The following TMEM65 variants were observed in gnomAD, a reference collection of about 807,000 sequenced individuals.
The protein encoded by TMEM65 is transmembrane protein 65.
TMEM65 carries 22 observed loss-of-function variants against 25.4 expected under a neutral mutation model. The observed-to-expected ratio is 0.86, with a 90% confidence interval of 0.62 to 1.23. The LOEUF (loss-of-function observed/expected upper bound fraction) is 1.23. TMEM65 is among the 50% of genes most tolerant of loss of function. The pLI is 0.00. For missense variants in TMEM65, 262 were observed against 308.2 expected (o/e 0.85, Z 1.12); for synonymous variants, 132 against 126.2 (o/e 1.05, Z -0.31).
chr8:124,344,665 T>C (rs1814622296), intron 1 of TMEM65, among the ~76,000 whole-genome samples: 1 of 152,226 alleles, frequency 6.6e-6, no homozygotes, highest in Admixed American at 6.5e-5. Flanking sequence ...ATTCTTCTTT[T>C]GGCTCATTTT....
intron 3 of TMEM65, among the ~76,000 whole-genome samples, chr8:124,323,987 A>G (rs1814336706): frequency 6.6e-6 from 1 of 152,104 alleles, no homozygotes; most frequent in Non-Finnish European, 1.5e-5. Flanking sequence ...TATGTATATC[A>G]TCATTCCTCT....
At position 124,312,130 on chromosome 8, in the gene TMEM65, C is replaced by T. The variant is rs370445885; in HGVS notation, c.*1830G>A. ...TTACACTTTACCCCACCCTTCCCCC[C>T]CCAAAAATTTAAGCACTCTAATCCT... On this transcript the variant is annotated 3_prime_UTR_variant, in exon 7 of 7. Coordinates refer to ENST00000297632, the MANE Select transcript of TMEM65 (RefSeq NM_194291.3). The T allele has an allele frequency of 3.3e-5, 5 of 151,980 alleles. No individual in the cohort carries two copies. The highest frequency in any genetic ancestry group is 2.6e-4 in the Admixed American group (4 of 15,228). 9.4% of individuals were successfully genotyped at this position (151,980 alleles called of 1,614,324 possible). A position where few individuals can be genotyped will look rare whatever the true frequency, so the allele number is the denominator to read the frequency against.
At chr8:124,367,915 T>C (rs976071354) in intron 1 of TMEM65, among the ~76,000 whole-genome samples, 2 of 152,252 alleles carry the variant, frequency 1.3e-5, no homozygotes, top group Non-Finnish European at 2.9e-5. Context: ...TTCACCTCAA[T>C]ACATCTTTTA....
At chr8:124,334,269 T>C (rs1398081490) in intron 1 of TMEM65, among the ~76,000 whole-genome samples, 1 of 151,940 alleles carries the variant, frequency 6.6e-6, no homozygotes, top group Non-Finnish European at 1.5e-5. Flanking sequence ...CAGAAGACAA[T>C]ACAGACCAAT....
chr8:124,345,884 C>T (rs1387251062), intron 1 of TMEM65, among the ~76,000 whole-genome samples: 2 of 152,118 alleles, frequency 1.3e-5, no homozygotes, highest in South Asian at 2.1e-4. Flanking sequence ...GCTGGGATTA[C>T]AGGCACATGC....
chr8:124,353,138 A>G (rs1486508561), intron 1 of TMEM65, among the ~76,000 whole-genome samples: 1 of 151,908 alleles, frequency 6.6e-6, no homozygotes, highest in African/African-American at 2.4e-5. Context: ...AAAAAAAACA[A>G]AAAAAAGAAC....
Position 124,323,387 on chromosome 8 carries a change from TA to T in TMEM65, c.418-13del. The T allele has an allele frequency of 2.8e-6, 4 of 1,423,930 alleles. No individual in the cohort carries two copies. The highest frequency in any genetic ancestry group is 2.4e-5 in the East Asian group (1 of 42,084). 88.2% of individuals were successfully genotyped at this position (1,423,930 alleles called of 1,614,324 possible). ...TCAATATGGGTTCCCTGAAATATGA[TA>T]AAAAATTAATCTTAAAAATTAAAGC... On this transcript the variant is annotated splice_polypyrimidine_tract_variant and intron_variant, in intron 3 of 6. Coordinates refer to ENST00000297632, the MANE Select transcript of TMEM65 (RefSeq NM_194291.3).
chr8:124,360,221 G>C (rs1258623839), intron 1 of TMEM65, among the ~76,000 whole-genome samples: 1 of 152,076 alleles, frequency 6.6e-6, no homozygotes. Context: ...ACGAGGTCAG[G>C]AGATCAAGAC....
At position 124,308,747 on chromosome 8, in the gene TMEM65, A is replaced by G. The variant is rs568131421; in HGVS notation, c.*5213T>C. 1 of 152,344 alleles carries G rather than the reference A, an allele frequency of 6.6e-6. No individual in the cohort carries two copies. Among genetic ancestry groups the G allele is most frequent in the South Asian group, 2.1e-4 (1 of 4,818 alleles). 9.4% of individuals were successfully genotyped at this position (152,344 alleles called of 1,614,324 possible). ...ATTTAGAAGCAGTGCCAGAAAACAA[A>G]TCAACATTAGACAATCTGGTAGAAG... On this transcript the variant is annotated 3_prime_UTR_variant, in exon 7 of 7. Coordinates refer to ENST00000297632, the MANE Select transcript of TMEM65 (RefSeq NM_194291.3).
In TMEM65 at chr8:124,371,834, C is replaced by G; in HGVS notation, c.304+20G>C. Reference sequence around the variant, plus strand: ...AGGGCGTCGGGGCCCCCGGGCTCGCCCCCCACCTGCCCCCCTTACCTTGGG... The same window carrying G: ...AGGGCGTCGGGGCCCCCGGGCTCGCGCCCCACCTGCCCCCCTTACCTTGGG... On this transcript the variant is annotated intron_variant, in intron 1 of 6. Transcript: ENST00000297632. 2 of 1,504,350 alleles carry G rather than the reference C, an allele frequency of 1.3e-6. No homozygotes were observed. The highest frequency in any genetic ancestry group is 1.8e-6 in the Non-Finnish European group (2 of 1,132,348). The allele number at this position is 1,504,350 out of a possible 1,614,324, so 93.2% of individuals were successfully genotyped here.
rs903115182 is a variant in TMEM65 at position 124,323,179 on chromosome 8, A to C, written c.472+142T>G. ...AAAGTGCTACATGTACAAAACTAAG[A>C]ATCAGAAGAATAGGATGAAGAAAAT... On this transcript the variant is annotated intron_variant, in intron 4 of 6. Transcript: ENST00000297632. 38 of 514,176 alleles carry C rather than the reference A, an allele frequency of 7.4e-5. No individual in the cohort carries two copies. In the Admixed American group the frequency reaches 1.3e-3, roughly 17 times the overall value. The allele number at this position is 514,176 out of a possible 1,614,324, so 31.9% of individuals were successfully genotyped here. A position where few individuals can be genotyped will look rare whatever the true frequency, so the allele number is the denominator to read the frequency against.
At chr8:124,315,472 C>T (rs942751353) in intron 6 of TMEM65, among the ~76,000 whole-genome samples, 3 of 151,996 alleles carry the variant, frequency 2.0e-5, no homozygotes, top group African/African-American at 7.3e-5. Context: ...CAGGTGCCCA[C>T]CACCACGCCC....
At position 124,314,100 on chromosome 8, in the gene TMEM65, T is replaced by A. The variant is rs940439735; in HGVS notation, c.622-39A>T. 10 of 1,537,140 alleles carry A rather than the reference T, an allele frequency of 6.5e-6. No individual in the cohort carries two copies. In the African/African-American group the frequency reaches 1.1e-4, roughly 17 times the overall value. On this transcript the variant is annotated intron_variant, in intron 6 of 6. Transcript: ENST00000297632. ...AGAGAACATTTTTAAAGTTACTTTA[T>A]CTCTGATAACAAGAAGGCAGAGAAA...
At chr8:124,359,614 C>T (rs192111987) in intron 1 of TMEM65, among the ~76,000 whole-genome samples, 32 of 152,104 alleles carry the variant, frequency 2.1e-4, no homozygotes, top group African/African-American at 6.5e-4. Context: ...TGGTAGTACA[C>T]GCCTGTGATC....
Position 124,313,919 on chromosome 8 carries a change from G to T in TMEM65, c.*41C>A. On this transcript the variant is annotated 3_prime_UTR_variant, in exon 7 of 7. Coordinates refer to ENST00000297632, the MANE Select transcript of TMEM65 (RefSeq NM_194291.3). ...TTGTGACAGCATATTTAATTACTGAGGTACATTAGTTTACATCTTTTTATA... is the reference window on the plus strand; with the variant it reads ...TTGTGACAGCATATTTAATTACTGATGTACATTAGTTTACATCTTTTTATA... 2 of 1,320,424 alleles carry T rather than the reference G, an allele frequency of 1.5e-6. No individual in the cohort carries two copies. Among genetic ancestry groups the T allele is most frequent in the Non-Finnish European group, 1.1e-6 (1 of 922,684 alleles). The allele number at this position is 1,320,424 out of a possible 1,614,324, so 81.8% of individuals were successfully genotyped here. A position where few individuals can be genotyped will look rare whatever the true frequency, so the allele number is the denominator to read the frequency against.
At chr8:124,349,589 C>G (rs1183411775) in intron 1 of TMEM65, among the ~76,000 whole-genome samples, 1 of 152,150 alleles carries the variant, frequency 6.6e-6, no homozygotes, top group Non-Finnish European at 1.5e-5. Flanking sequence ...AGACCTAACA[C>G]AAATACCTAC....
intron 1 of TMEM65, among the ~76,000 whole-genome samples, chr8:124,337,961 C>A (rs908763730): frequency 5.3e-5 from 8 of 151,788 alleles, no homozygotes; most frequent in African/African-American, 9.7e-5. Context: ...AAAATAACAT[C>A]TAAAATACTT....
intron 6 of TMEM65, among the ~76,000 whole-genome samples, chr8:124,319,085 T>C (rs747938331): frequency 1.6e-4 from 25 of 152,166 alleles, no homozygotes; most frequent in Non-Finnish European, 3.4e-4. Context: ...CTCCTGTATC[T>C]CTACTTGGCA....
At chr8:124,370,748 T>C (rs1815001618) in intron 1 of TMEM65, among the ~76,000 whole-genome samples, 1 of 152,224 alleles carries the variant, frequency 6.6e-6, no homozygotes. Context: ...GCACATCAGC[T>C]AAAGATATAC....
Sources: gnomAD v4.1 joint callset for allele counts (sites outside exome capture counted in the v4.1 genomes callset) on GRCh38, gnomAD v4.1.1 for gene constraint, MANE v1.5 for transcripts, NCBI Gene and HGNC (gene_info 2026-07-23, HGNC 2026-07-21) for gene names.